HHAT: variants seen among roughly 807,000 people sequenced by gnomAD.
The protein encoded by HHAT is protein-cysteine N-palmitoyltransferase HHAT.
In HHAT, 47 loss-of-function variants were observed where a neutral mutation model predicts 70.8. The observed-to-expected ratio is 0.66, with a 90% CI of 0.53 to 0.85. HHAT has a LOEUF of 0.85. HHAT is among the 40% of genes least tolerant of loss of function. The probability of loss-of-function intolerance (pLI) is 0.00; values close to 1 mark genes in which losing one functional copy is unlikely to be tolerated. For synonymous variants in HHAT, 228 were observed against 247.6 expected (o/e 0.92, Z 0.74); for missense variants, 609 against 604.8 (o/e 1.01, Z -0.07).
intron 9 of HHAT, among the ~76,000 whole-genome samples, chr1:210,540,178 G>A (rs1315692558): frequency 1.3e-5 from 2 of 152,028 alleles, no homozygotes; most frequent in Admixed American, 1.3e-4. Flanking sequence ...GCATCTGGAT[G>A]AAACTAAAAA....
intron 11 of HHAT, among the ~76,000 whole-genome samples, chr1:210,671,012 C>T (rs1679963595): frequency 6.6e-6 from 1 of 152,108 alleles, no homozygotes; most frequent in Non-Finnish European, 1.5e-5. Context: ...AGCTATGGCC[C>T]GTGCTAAACA....
At chr1:210,512,596 CA>C (rs1229265016) in intron 8 of HHAT, among the ~76,000 whole-genome samples, 1 of 149,740 alleles carries the variant, frequency 6.7e-6, no homozygotes, top group Non-Finnish European at 1.5e-5. Context: ...TGGTTTAACC[CA>C]GGGGGTTGAG....
intron 9 of HHAT, among the ~76,000 whole-genome samples, chr1:210,567,270 G>A (rs762344829): frequency 6.6e-6 from 1 of 152,208 alleles, no homozygotes; most frequent in Non-Finnish European, 1.5e-5. Flanking sequence ...CAAAGAGAAC[G>A]TGCATCACTG....
chr1:210,377,561 A>G (rs1416062003), intron 3 of HHAT, among the ~76,000 whole-genome samples: 1 of 152,256 alleles, frequency 6.6e-6, no homozygotes, highest in Non-Finnish European at 1.5e-5. Context: ...GCTCTCCTGC[A>G]TAATCCAAAG....
chr1:210,398,486 T>C (rs2091909375), intron 4 of HHAT, among the ~76,000 whole-genome samples: 1 of 152,200 alleles, frequency 6.6e-6, no homozygotes, highest in Non-Finnish European at 1.5e-5. Context: ...GAGACCACTG[T>C]TAAATTCATC....
At chr1:210,576,529 G>C (rs574228311) in intron 9 of HHAT, among the ~76,000 whole-genome samples, 1 of 135,150 alleles carries the variant, frequency 7.4e-6, no homozygotes, top group Non-Finnish European at 1.6e-5. Flanking sequence ...GGTCGGGGGA[G>C]GGGGGAGGGA....
At chr1:210,404,422 T>C in intron 5 of HHAT, 42 bp from the exon 6 acceptor site, 1 of 1,494,298 alleles carries the variant, frequency 6.7e-7, no homozygotes. Flanking sequence ...ACGATGTCCC[T>C]GCTGGCCACT....
intron 7 of HHAT, among the ~76,000 whole-genome samples, chr1:210,446,673 C>T (rs4845030): frequency 0.18 from 27,153 of 152,156 alleles, 3,093 homozygotes; most frequent in Admixed American, 0.34. Context: ...ATGGTGCCAC[C>T]GCAGGGCGCT....
intron 9 of HHAT, among the ~76,000 whole-genome samples, chr1:210,562,667 T>TA (rs1478492944): frequency 6.6e-6 from 1 of 152,072 alleles, no homozygotes; most frequent in Non-Finnish European, 1.5e-5. Flanking sequence ...CTTTTTTTTT[T>TA]ATTATACTTT....
At chr1:210,603,555 T>C (rs1456452814) in intron 10 of HHAT, among the ~76,000 whole-genome samples, 1 of 152,228 alleles carries the variant, frequency 6.6e-6, no homozygotes, top group Non-Finnish European at 1.5e-5. Flanking sequence ...ATTTCCAGTG[T>C]TCCTGTTACT....
chr1:210,601,407 C>T (rs1041241299), intron 10 of HHAT, among the ~76,000 whole-genome samples: 2 of 152,090 alleles, frequency 1.3e-5, no homozygotes, highest in Admixed American at 1.3e-4. Context: ...AGAGCTGTGG[C>T]ATTTGGTAAT....
intron 11 of HHAT, among the ~76,000 whole-genome samples, chr1:210,671,439 G>A (rs1333867288): frequency 6.6e-6 from 1 of 152,178 alleles, no homozygotes; most frequent in African/African-American, 2.4e-5. Flanking sequence ...GCTGTATTGA[G>A]CTAGTGTTCC....
intron 1 of HHAT, among the ~76,000 whole-genome samples, chr1:210,342,739 G>C (rs1462899478): frequency 6.6e-6 from 1 of 152,184 alleles, no homozygotes; most frequent in African/African-American, 2.4e-5. Flanking sequence ...GGACATGCTT[G>C]TTTAGAGTAT....
chr1:210,546,164 G>A (rs1455584830), intron 9 of HHAT, among the ~76,000 whole-genome samples: 1 of 152,156 alleles, frequency 6.6e-6, no homozygotes, highest in Admixed American at 6.5e-5. Context: ...TTCTTTCAGT[G>A]TCTACTACAT....
At chr1:210,440,895 T>G (rs983444771) in intron 7 of HHAT, among the ~76,000 whole-genome samples, 1 of 152,182 alleles carries the variant, frequency 6.6e-6, no homozygotes, top group African/African-American at 2.4e-5. Flanking sequence ...TCTTTGGAAG[T>G]AGGAGAAACC....
In HHAT at chr1:210,483,935, C is replaced by G. The variant is rs187352502; in HGVS notation, c.1007+19280C>G. Among the ~76,000 whole-genome samples the G allele has an allele frequency of 1.2e-3, 183 of 152,216 alleles. 1 individual carries two copies. Among genetic ancestry groups the G allele is most frequent in the African/African-American group, 4.2e-3 (176 of 41,540 alleles). ...GTCAAAATGCTGTGAATTCACAATTCAGGGAAAAAAATACTAGTTAAGAAG... is the reference window on the plus strand; with the variant it reads ...GTCAAAATGCTGTGAATTCACAATTGAGGGAAAAAAATACTAGTTAAGAAG... On this transcript the variant is annotated intron_variant, in intron 8 of 11. Transcript: ENST00000261458.
chr1:210,628,282 A>C (rs1302013762), intron 11 of HHAT, among the ~76,000 whole-genome samples: 7 of 152,136 alleles, frequency 4.6e-5, no homozygotes, highest in African/African-American at 1.7e-4. Context: ...TCTTCTGAAA[A>C]GTCTGCCTGC....
At chr1:210,405,302 C>A (rs765906597) in intron 6 of HHAT, among the ~76,000 whole-genome samples, 1 of 152,100 alleles carries the variant, frequency 6.6e-6, no homozygotes, top group Non-Finnish European at 1.5e-5. Context: ...GTTGTTCCCC[C>A]CTACTTCACT....
intron 9 of HHAT, among the ~76,000 whole-genome samples, chr1:210,551,279 G>T (rs772327531): frequency 6.7e-6 from 1 of 148,758 alleles, no homozygotes; most frequent in African/African-American, 2.5e-5. Flanking sequence ...TCCCAGCGGC[G>T]AGCAAAAGCA....
Sources: allele counts gnomAD v4.1 joint callset (sites outside exome capture counted in the v4.1 genomes callset), GRCh38; gene constraint gnomAD v4.1.1; transcripts MANE v1.5; gene names NCBI Gene and HGNC (gene_info 2026-07-23, HGNC 2026-07-21).